Variants in KCTD1 observed in about 807,000 individuals in gnomAD.
The protein encoded by KCTD1 is BTB/POZ domain-containing protein KCTD1.
A neutral mutation model predicts 66.0 loss-of-function variants in KCTD1; 24 were observed. That is an observed-to-expected ratio of 0.36 (90% CI 0.26 to 0.51). The LOEUF is 0.51. Ranked by LOEUF, KCTD1 falls within the 20% of genes least tolerant of loss-of-function variation. The pLI is 0.95. For missense variants in KCTD1, 943 were observed against 1,205.2 expected, an observed-to-expected ratio of 0.78 and a Z score of 3.22; for synonymous variants, 511 against 517.2, an observed-to-expected ratio of 0.99 and a Z score of 0.16.
intron 1 of KCTD1, among the ~76,000 whole-genome samples, chr18:26,645,669 T>A (rs34122870): frequency 0.11 from 16,958 of 152,162 alleles, 1,112 homozygotes; most frequent in South Asian, 0.24. Flanking sequence ...AAGTGCTAGG[T>A]TTACAGGCAT....
At chr18:26,597,024 C>A (rs995583061) in intron 1 of KCTD1, among the ~76,000 whole-genome samples, 3 of 151,412 alleles carry the variant, frequency 2.0e-5, no homozygotes, top group Admixed American at 2.0e-4. Flanking sequence ...TCTGGGGAAG[C>A]TGCAGTGACC....
At chr18:26,656,126 G>T (rs1462185881) in intron 1 of KCTD1, among the ~76,000 whole-genome samples, 1 of 152,278 alleles carries the variant, frequency 6.6e-6, no homozygotes, top group Admixed American at 6.5e-5. Flanking sequence ...TCTGCGCCCC[G>T]AGCGCTGGTT....
intron 1 of KCTD1, among the ~76,000 whole-genome samples, chr18:26,651,237 G>C (rs944457405): frequency 1.3e-5 from 2 of 152,230 alleles, no homozygotes; most frequent in African/African-American, 4.8e-5. Flanking sequence ...TTTGCCAAGT[G>C]CCCTTGAAAA....
chr18:26,529,481 T>C (rs906221362), intron 1 of KCTD1, among the ~76,000 whole-genome samples: 2 of 152,230 alleles, frequency 1.3e-5, no homozygotes, highest in Admixed American at 6.5e-5. Flanking sequence ...CTCATGTACA[T>C]TTCTGTCTAC....
At chr18:26,496,740 GCACA>G (rs111233653) in intron 2 of KCTD1, among the ~76,000 whole-genome samples, 48 of 148,176 alleles carry the variant, frequency 3.2e-4, no homozygotes, top group South Asian at 1.3e-3. Flanking sequence ...AAAAGCATGT[GCACA>G]CACACACACA....
chr18:26,623,548 TGAA>T (rs1464739393), intron 1 of KCTD1, among the ~76,000 whole-genome samples: 2 of 152,196 alleles, frequency 1.3e-5, no homozygotes, highest in Non-Finnish European at 2.9e-5. Flanking sequence ...TGCCACCATG[TGAA>T]GAAGGACATG....
chr18:26,559,001 T>TG (rs942063865), intron 1 of KCTD1, among the ~76,000 whole-genome samples: 1 of 151,326 alleles, frequency 6.6e-6, no homozygotes, highest in African/African-American at 2.4e-5. Flanking sequence ...TTGATGGAAC[T>TG]GGGGGTCATT....
intron 4 of KCTD1, chr18:26,458,178 A>AC (rs1393244640): frequency 6.6e-6 from 1 of 152,332 alleles, no homozygotes; most frequent in Non-Finnish European, 1.5e-5. Context: ...GAACCCTGCG[A>AC]CCCAGCAGCC....
intron 3 of KCTD1, among the ~76,000 whole-genome samples, chr18:26,463,288 T>G (rs1980537645): frequency 6.6e-6 from 1 of 152,062 alleles, no homozygotes; most frequent in African/African-American, 2.4e-5. Context: ...AGACCCTGTT[T>G]CTATAAAAAG....
intron 1 of KCTD1, among the ~76,000 whole-genome samples, chr18:26,522,301 G>A (rs888784213): frequency 2.0e-5 from 3 of 152,222 alleles, no homozygotes; most frequent in Non-Finnish European, 1.5e-5. Context: ...CGGGGAACAT[G>A]CCACGTGAGC....
chr18:26,595,965 T>G (rs1319410531), intron 1 of KCTD1, among the ~76,000 whole-genome samples: 1 of 152,196 alleles, frequency 6.6e-6, no homozygotes, highest in African/African-American at 2.4e-5. Flanking sequence ...GGAGGATCAC[T>G]TGAGCCCAGA....
At chr18:26,642,976 G>T (rs1468796995), upstream of KCTD1, among the ~76,000 whole-genome samples, 1 of 152,188 alleles carries the variant, frequency 6.6e-6, no homozygotes, top group Non-Finnish European at 1.5e-5. Context: ...GAAGCAGGAG[G>T]CAGGGAGGTT....
rs1980879694 is a variant in KCTD1, at chr18:26,468,637, G to C, written c.2133+7878C>G. ...ATTTGAGGTCAGGAGTTTGAGACCA[G>C]CCTGGCCAACATGGTGAAACCCCAT... On this transcript the variant is annotated intron_variant, in intron 3 of 4. Transcript: ENST00000580059. The surrounding 1 kb of genome is among the most constrained non-coding windows in gnomAD (Gnocchi z 4.8). Among the ~76,000 whole-genome samples the C allele has an allele frequency of 6.6e-6, 1 of 152,154 alleles. No homozygotes were observed. The highest frequency in any genetic ancestry group is 2.4e-5 in the African/African-American group (1 of 41,432).
intron 1 of KCTD1, among the ~76,000 whole-genome samples, chr18:26,537,551 G>A (rs183367743): frequency 2.6e-4 from 39 of 152,278 alleles, no homozygotes; most frequent in Admixed American, 6.5e-4. Flanking sequence ...TATTTCAACC[G>A]TATATTAGTA....
chr18:26,550,565 G>GACAGACACACACACACAC (rs1985517746), upstream of KCTD1, among the ~76,000 whole-genome samples: 1 of 140,490 alleles, frequency 7.1e-6, no homozygotes, highest in African/African-American at 2.7e-5. This position sits in a 1 kb window ranked among gnomAD's most constrained non-coding sequence, Gnocchi z 5.4. Context: ...AAGACACACA[G>GACAGACACACACACACAC]ACACACACAC....
At chr18:26,631,257 T>C (rs960496177), upstream of KCTD1, among the ~76,000 whole-genome samples, 2 of 152,192 alleles carry the variant, frequency 1.3e-5, no homozygotes, top group African/African-American at 4.8e-5. Flanking sequence ...TATGGAGATA[T>C]GTTCTGAGAA....
chr18:26,575,445 A>AC (rs1202329806), intron 1 of KCTD1: 10 of 151,054 alleles, frequency 6.6e-5, no homozygotes. Context: ...TGAGACTGCG[A>AC]CCCCCTGGAC....
chr18:26,511,378 T>C (rs1358343954), intron 1 of KCTD1, among the ~76,000 whole-genome samples: 1 of 152,226 alleles, frequency 6.6e-6, no homozygotes, highest in Non-Finnish European at 1.5e-5. Context: ...GGGGTCTATC[T>C]GGTCATCTGC....
At position 26,518,552 on chromosome 18, in the gene KCTD1, T is replaced by C. The variant is rs563901912; in HGVS notation, c.1810-17302A>G. ...GTGCTGGGATTACAGGCGTGAGCCA[T>C]GGCGCCCAGCCAAAGCTATAATTTT... On this transcript the variant is annotated intron_variant, in intron 1 of 4. Coordinates refer to ENST00000580059, the MANE Select transcript of KCTD1 (RefSeq NM_001142730.3). 1.8e-4 allele frequency among the ~76,000 whole-genome samples: 28 copies of C among 152,170 alleles called. No homozygotes were observed. The East Asian group carries it at 3.9e-3, about 21-fold the overall frequency.
Sources: allele counts gnomAD v4.1 joint callset (sites outside exome capture counted in the v4.1 genomes callset), GRCh38; gene constraint gnomAD v4.1.1; non-coding constraint Gnocchi (gnomAD v3.1); transcripts MANE v1.5; gene names NCBI Gene and HGNC (gene_info 2026-07-23, HGNC 2026-07-21).